Variants in PRORP observed in about 807,000 individuals in gnomAD.
The protein encoded by PRORP is protein only RNase P catalytic subunit.
PRORP carries 51 observed loss-of-function variants against 59.4 expected under a neutral mutation model. That is an observed-to-expected ratio of 0.86 (90% CI 0.69 to 1.08). The LOEUF (loss-of-function observed/expected upper bound fraction) is 1.08. PRORP is among the 50% of genes least tolerant of loss of function. The pLI is 0.00. For missense variants in PRORP, 646 were observed against 690.3 expected, an observed-to-expected ratio of 0.94 and a Z score of 0.72; for synonymous variants, 231 against 245.6, an observed-to-expected ratio of 0.94 and a Z score of 0.55.
chr14:35,236,096 CAAAAAAAAAAA>C (rs59458917), intron 5 of PRORP, among the ~76,000 whole-genome samples: 9 of 62,450 alleles, frequency 1.4e-4, no homozygotes, highest in African/African-American at 4.5e-4. Context: ...ACCCCATCTC[CAAAAAAAAAAA>C]AAAAAAAAAA....
chr14:35,174,271 G>T (rs1003764747), intron 4 of PRORP, among the ~76,000 whole-genome samples: 1 of 151,634 alleles, frequency 6.6e-6, no homozygotes, highest in Non-Finnish European at 1.5e-5. Context: ...TCATTCTTTG[G>T]TACTTTGAAA....
intron 5 of PRORP, among the ~76,000 whole-genome samples, chr14:35,255,140 T>G (rs916483791): frequency 2.0e-5 from 3 of 152,182 alleles, no homozygotes; most frequent in African/African-American, 7.2e-5. Context: ...GTTTTTTTGT[T>G]TTTTTGAGAT....
rs1464254531 is a variant in PRORP, at chr14:35,277,285, C to CA, written c.*3722dup. ...AGGTGATCCACCCACCTCAGCCTCCCAAAGTGCTGGGATTACAGGTGTGAG... is the reference window on the plus strand; with the variant it reads ...AGGTGATCCACCCACCTCAGCCTCCCAAAAGTGCTGGGATTACAGGTGTGAG... On this transcript the variant is annotated 3_prime_UTR_variant, in exon 8 of 8. Transcript: ENST00000534898. The CA allele has an allele frequency of 1.3e-5, 2 of 152,366 alleles. No individual in the cohort carries two copies. The highest frequency in any genetic ancestry group is 4.8e-5 in the African/African-American group (2 of 41,470). 9.4% of individuals were successfully genotyped at this position (152,366 alleles called of 1,614,324 possible). A position where few individuals can be genotyped will look rare whatever the true frequency, so the allele number is the denominator to read the frequency against.
chr14:35,152,425 C>T (rs557185006), intron 4 of PRORP, among the ~76,000 whole-genome samples: 8 of 152,228 alleles, frequency 5.3e-5, no homozygotes, highest in Non-Finnish European at 1.0e-4. Context: ...CATCATGGCC[C>T]GTTCTCAATG....
chr14:35,270,627 A>AC, intron 7 of PRORP, 31 bp downstream of exon 7: 1 of 1,577,424 alleles, frequency 6.3e-7, no homozygotes, highest in Non-Finnish European at 8.7e-7. Flanking sequence ...TGTAATATTA[A>AC]CAGAGTCAAG....
chr14:35,260,768 C>A (rs956210777), intron 5 of PRORP, among the ~76,000 whole-genome samples: 1 of 152,246 alleles, frequency 6.6e-6, no homozygotes, highest in Admixed American at 6.5e-5. Flanking sequence ...GGCTAGCCCA[C>A]CCCCTTTTTG....
Position 35,149,080 on chromosome 14 carries a change from G to A in PRORP, c.1167+21469G>A, listed in dbSNP as rs1202257309. 3.3e-5 allele frequency among the ~76,000 whole-genome samples: 5 copies of A among 149,348 alleles called. 1 individual carries two copies. The highest frequency in any genetic ancestry group is 4.3e-4 in the South Asian group (2 of 4,660). On this transcript the variant is annotated intron_variant, in intron 4 of 7. Transcript: ENST00000534898. ...ACAACAGGCGCCCGCCACCACGCCC[G>A]GCTAATTTTTTTGTATTTTTAGTAG...
intron 4 of PRORP, among the ~76,000 whole-genome samples, chr14:35,136,259 G>A (rs57473972): frequency 0.4 from 61,175 of 151,984 alleles, 12,490 homozygotes; most frequent in African/African-American, 0.47. Flanking sequence ...GGGTGATGGG[G>A]TGAACAAACT....
intron 5 of PRORP, among the ~76,000 whole-genome samples, chr14:35,242,529 C>A (rs535733986): frequency 3.9e-5 from 6 of 152,254 alleles, no homozygotes; most frequent in Non-Finnish European, 7.4e-5. Flanking sequence ...TAGTTCTATT[C>A]CCCAGAAGAG....
intron 5 of PRORP, among the ~76,000 whole-genome samples, chr14:35,190,627 G>A (rs1377029119): frequency 6.6e-6 from 1 of 151,696 alleles, no homozygotes; most frequent in Non-Finnish European, 1.5e-5. Context: ...TGCCTCAGCC[G>A]CCTGAGTAGC....
Position 35,179,727 on chromosome 14 carries a change from T to C in PRORP, c.1168-943T>C, listed in dbSNP as rs183016076. On this transcript the variant is annotated intron_variant, in intron 4 of 7. Coordinates refer to ENST00000534898, the MANE Select transcript of PRORP (RefSeq NM_014672.4). ...AGAAGTTTGATCGTCTGAAGCCTTC[T>C]TCTCTCAACTCATCAAAGTCATCGC... is the stretch of plus-strand genomic sequence containing the variant. Among the ~76,000 whole-genome samples, 129 of 152,366 alleles carry C rather than the reference T, an allele frequency of 8.5e-4. 1 individual carries two copies. The highest frequency in any genetic ancestry group is 3.0e-3 in the African/African-American group (123 of 41,592).
chr14:35,196,895 G>C (rs1038242710), intron 5 of PRORP, among the ~76,000 whole-genome samples: 1 of 152,190 alleles, frequency 6.6e-6, no homozygotes, highest in African/African-American at 2.4e-5. Context: ...TCAACTGTCA[G>C]GTGGGTTTTT....
intron 5 of PRORP, among the ~76,000 whole-genome samples, chr14:35,189,981 T>C (rs1365946177): frequency 6.6e-6 from 1 of 151,680 alleles, no homozygotes; most frequent in African/African-American, 2.4e-5. Flanking sequence ...TGGTGGCACT[T>C]TCCTGTAATC....
intron 5 of PRORP, among the ~76,000 whole-genome samples, chr14:35,218,324 G>T (rs989345387): frequency 6.6e-6 from 1 of 151,716 alleles, no homozygotes; most frequent in African/African-American, 2.4e-5. Context: ...GGCTGGGTGT[G>T]GTGGTGTGCA....
rs767756203 is a variant in PRORP at position 35,123,415 on chromosome 14, A to G, written c.170A>G (p.Lys57Arg). Residue 57 changes from lysine (K) to arginine (R), a missense_variant, in exon 2 of 8, where the codon AAA becomes AGA. By Grantham distance (26) the Lys-to-Arg change is conservative. Transcript: ENST00000534898. ...AAAACAATGTCTCCACAGAATACCAAAGCAACGAATCTGATTGCCAAGGCC... is the reference window on the plus strand; with the variant it reads ...AAAACAATGTCTCCACAGAATACCAGAGCAACGAATCTGATTGCCAAGGCC... ...SLKTMSPQNT[K>R]ATNLIAKARY... is the part of the protein sequence containing the mutation. The G allele has an allele frequency of 1.2e-6, 2 of 1,614,218 alleles. No individual in the cohort carries two copies. Among genetic ancestry groups the G allele is most frequent in the East Asian group, 2.2e-5 (1 of 44,894 alleles).
chr14:35,275,101 G>A lies in PRORP; in HGVS notation c.*1535G>A, dbSNP rs187710339. ...TGAGAGAACTTGAGAGAACTTTCTCGGGGTGATGGAAAGTTTCTTATATTG... is the reference window on the plus strand; with the variant it reads ...TGAGAGAACTTGAGAGAACTTTCTCAGGGTGATGGAAAGTTTCTTATATTG... On this transcript the variant is annotated 3_prime_UTR_variant, in exon 8 of 8. Coordinates refer to ENST00000534898, the MANE Select transcript of PRORP (RefSeq NM_014672.4). 4.3e-4 allele frequency: 66 copies of A among 152,116 alleles called. 1 individual carries two copies. Among genetic ancestry groups the A allele is most frequent in the African/African-American group, 1.1e-3 (47 of 41,494 alleles). 9.4% of individuals were successfully genotyped at this position (152,116 alleles called of 1,614,324 possible).
At chr14:35,190,165 G>A (rs2048847451) in intron 5 of PRORP, among the ~76,000 whole-genome samples, 2 of 151,676 alleles carry the variant, frequency 1.3e-5, no homozygotes, top group South Asian at 2.1e-4. Flanking sequence ...TTGGGAGGCC[G>A]AGGTGAGTGG....
intron 5 of PRORP, among the ~76,000 whole-genome samples, chr14:35,220,254 G>A (rs552626770): frequency 6.6e-6 from 1 of 152,260 alleles, no homozygotes; most frequent in Admixed American, 6.5e-5. Context: ...TTTCAGGTTT[G>A]TAGTCATGAC....
intron 4 of PRORP, among the ~76,000 whole-genome samples, chr14:35,138,141 A>G (rs1179862094): frequency 6.9e-6 from 1 of 145,450 alleles, no homozygotes; most frequent in Non-Finnish European, 1.5e-5. Context: ...GTATCTTCAC[A>G]TGGCCTTCCT....
Sources: allele counts gnomAD v4.1 joint callset (sites outside exome capture counted in the v4.1 genomes callset), GRCh38; gene constraint gnomAD v4.1.1; transcripts MANE v1.5; gene names NCBI Gene and HGNC (gene_info 2026-07-23, HGNC 2026-07-21).